Variants in COL6A5 observed in about 807,000 individuals in gnomAD.
COL6A5 encodes collagen type VI alpha 5 chain.
Under a neutral mutation model 65.6 loss-of-function variants are expected in COL6A5, and 48 were observed. The observed-to-expected ratio is 0.73, with a 90% CI of 0.58 to 0.93. The LOEUF is 0.93. COL6A5 is among the 40% of genes least tolerant of loss of function. The pLI is 0.00. For synonymous variants in COL6A5, 291 were observed against 322.8 expected (o/e 0.90, Z 1.05); for missense variants, 914 against 928.3 (o/e 0.98, Z 0.20).
intron 29 of COL6A5, among the ~76,000 whole-genome samples, chr3:130,425,910 C>T (rs777457953): frequency 7.2e-5 from 11 of 152,200 alleles, no homozygotes; most frequent in Non-Finnish European, 1.3e-4. Context: ...CTAAGTATTA[C>T]ATCTTTAGTA....
Position 130,470,975 on chromosome 3 carries a change from G to A in COL6A5, c.2328+8G>A, listed in dbSNP as rs1303815893. ...CACAGAAAACACTGTATTGTGAGTT[G>A]AGAAATTCCAAGTTTGGGTAATACC... On this transcript the variant is annotated splice_region_variant and intron_variant, in intron 7 of 7. Transcript: ENST00000512836. 6.2e-7 allele frequency: 1 copy of A among 1,601,024 alleles called. No homozygotes were observed. The highest frequency in any genetic ancestry group is 8.5e-7 in the Non-Finnish European group (1 of 1,169,628).
At chr3:130,396,590 A>G (rs1936609147) in intron 8 of COL6A5, among the ~76,000 whole-genome samples, 1 of 152,360 alleles carries the variant, frequency 6.6e-6, no homozygotes, top group East Asian at 1.9e-4. Context: ...CAGCATTCAC[A>G]CTGAAGGTTC....
At chr3:130,378,458 A>G (rs1248123240) in intron 3 of COL6A5, among the ~76,000 whole-genome samples, 1 of 152,168 alleles carries the variant, frequency 6.6e-6, no homozygotes, top group African/African-American at 2.4e-5. Flanking sequence ...ATACTTGTCC[A>G]AGAATCATTA....
In COL6A5 at chr3:130,401,053, G is replaced by A. The variant is rs1156270367; in HGVS notation, c.4014G>A (p.Val1338=). The change falls in exon 11 of 42, where the codon GTG becomes GTA. Residue 1338 remains valine (V), a synonymous_variant and NMD_transcript_variant. Transcript: ENST00000312481. ...TAGGACTTGATGCTCTGCTGGTAGT[G>A]TCCCTTAACACAACTGCTCATCATG... 16 of 1,549,424 alleles carry A rather than the reference G, an allele frequency of 1.0e-5. No homozygotes were observed. The Admixed American group carries it at 3.2e-4, about 31-fold the overall frequency.
intron 4 of COL6A5, among the ~76,000 whole-genome samples, chr3:130,448,957 C>T (rs573129855): frequency 1.4e-3 from 208 of 152,290 alleles, no homozygotes; most frequent in African/African-American, 3.7e-3. Flanking sequence ...CCAGGTTGGA[C>T]GGCCCCCATA....
intron 27 of COL6A5, among the ~76,000 whole-genome samples, chr3:130,421,809 T>C (rs1937522943): frequency 6.6e-6 from 1 of 152,118 alleles, no homozygotes; most frequent in Non-Finnish European, 1.5e-5. Context: ...TTGATTTTTT[T>C]CCAAAGCATA....
intron 12 of COL6A5, among the ~76,000 whole-genome samples, chr3:130,402,233 A>G (rs753915989): frequency 6.6e-6 from 1 of 152,164 alleles, no homozygotes; most frequent in Non-Finnish European, 1.5e-5. Context: ...TTGATTGTTC[A>G]AGACCAGCCA....
At chr3:130,403,891 A>C (rs1398574634) in intron 13 of COL6A5, among the ~76,000 whole-genome samples, 2 of 151,898 alleles carry the variant, frequency 1.3e-5, no homozygotes, top group African/African-American at 4.8e-5. Flanking sequence ...CTTTCTTTTC[A>C]CTTTTCCTTG....
At chr3:130,388,453 C>T in intron 5 of COL6A5, 127 bp from the exon 6 acceptor site, 1 of 799,652 alleles carries the variant, frequency 1.3e-6, no homozygotes, top group African/African-American at 1.7e-5. Context: ...AATTTTCAAA[C>T]ATAACAACAG....
chr3:130,391,191 T>G (rs1936386624), exon 7 of COL6A5: 1 of 1,548,306 alleles, frequency 6.5e-7, no homozygotes, highest in African/African-American at 1.4e-5. Flanking sequence ...TGTAAAAGGA[T>G]TACACTACTA....
chr3:130,413,646 G>A (rs910596242), intron 21 of COL6A5, 66 bp downstream of exon 21: 14 of 1,472,500 alleles, frequency 9.5e-6, no homozygotes, highest in African/African-American at 4.2e-5. Context: ...CCATGTAGGT[G>A]GTGCTGGGAA....
Position 130,469,318 on chromosome 3 carries a change from C to CT in COL6A5, c.2069dup (p.Ser691PhefsTer10). On this transcript the variant is annotated frameshift_variant, in exon 6 of 8. Coordinates refer to ENST00000512836, the Ensembl canonical transcript of COL6A5. LOFTEE classifies it high-confidence loss of function. Reference sequence around the variant, plus strand: ...CTCTGAGAGCCAAGTGTCAAGGCTACTCCATATTTGTGTTTTCCTTTGGCC... The same window carrying CT: ...CTCTGAGAGCCAAGTGTCAAGGCTACTTCCATATTTGTGTTTTCCTTTGGCC... 6.2e-7 allele frequency: 1 copy of CT among 1,612,940 alleles called. No homozygotes were observed. The highest frequency in any genetic ancestry group is 2.2e-5 in the East Asian group (1 of 44,800).
At chr3:130,456,909 A>G (rs772496255) in intron 5 of COL6A5, among the ~76,000 whole-genome samples, 26 of 152,098 alleles carry the variant, frequency 1.7e-4, no homozygotes, top group Non-Finnish European at 3.7e-4. Context: ...TAAAACAGCT[A>G]AACTTACCTT....
chr3:130,479,194 C>T (rs1484816390), intron 7 of COL6A5, among the ~76,000 whole-genome samples: 1 of 151,912 alleles, frequency 6.6e-6, no homozygotes, highest in Non-Finnish European at 1.5e-5. Context: ...AAGGGGACTC[C>T]TCTTCCCTTC....
exon 1 of COL6A5, chr3:130,345,707 C>G (rs1450661192): frequency 5.0e-6 from 2 of 398,578 alleles, no homozygotes; most frequent in Non-Finnish European, 4.4e-6. Flanking sequence ...GTTAAAAGCC[C>G]CAGGGAAGAG....
At chr3:130,459,629 C>A (rs1349496813) in intron 5 of COL6A5, among the ~76,000 whole-genome samples, 2 of 152,032 alleles carry the variant, frequency 1.3e-5, no homozygotes, top group African/African-American at 4.8e-5. Context: ...AAACCTCATG[C>A]CCCCAAGTTT....
chr3:130,471,013 A>G (rs1709938287), intron 7 of COL6A5, 46 bp downstream of exon 39: 2 of 1,339,316 alleles, frequency 1.5e-6, no homozygotes, highest in South Asian at 1.2e-5. Flanking sequence ...AACTGGAAAC[A>G]GTTCTTAAGA....
At chr3:130,374,802 T>G (rs937663372) in intron 2 of COL6A5, among the ~76,000 whole-genome samples, 1 of 152,146 alleles carries the variant, frequency 6.6e-6, no homozygotes, top group African/African-American at 2.4e-5. Context: ...AGTCTGTTGT[T>G]GACTGAAATG....
exon 4 of COL6A5, chr3:130,379,491 C>G: frequency 3.2e-6 from 5 of 1,551,184 alleles, no homozygotes; most frequent in Non-Finnish European, 4.4e-6. Context: ...CACTTGGGAC[C>G]GGAGGAAATT....
Sources: allele counts gnomAD v4.1 joint callset (sites outside exome capture counted in the v4.1 genomes callset), GRCh38; gene constraint gnomAD v4.1.1; transcripts MANE v1.5; gene names NCBI Gene and HGNC (gene_info 2026-07-23, HGNC 2026-07-21).